The following DACH1 variants were observed in gnomAD, a reference collection of about 807,000 sequenced individuals.
DACH1 encodes the protein dachshund homolog 1.
DACH1 carries 12 observed loss-of-function variants against 54.2 expected under a neutral mutation model. The ratio of observed to expected loss-of-function variants is 0.22; its 90% confidence interval spans 0.14 to 0.36. The LOEUF (loss-of-function observed/expected upper bound fraction) is 0.36. DACH1 is among the 10% of genes least tolerant of loss of function. DACH1 has a pLI of 1.00. For synonymous variants in DACH1, 386 were observed against 366.2 expected, an observed-to-expected ratio of 1.05 and a Z score of -0.62; for missense variants, 805 against 929.8, an observed-to-expected ratio of 0.87 and a Z score of 1.75.
chr13:71,797,558 T>C (rs1169732024), intron 1 of DACH1, among the ~76,000 whole-genome samples: 3 of 152,108 alleles, frequency 2.0e-5, no homozygotes, highest in East Asian at 1.9e-4. Flanking sequence ...TGTATTTGTG[T>C]GCTATGATTT....
intron 1 of DACH1, among the ~76,000 whole-genome samples, chr13:71,788,122 C>A (rs1886683097): frequency 6.6e-6 from 1 of 151,942 alleles, no homozygotes; most frequent in Non-Finnish European, 1.5e-5. Flanking sequence ...GATATTAGGC[C>A]ACTAGAAATT....
At chr13:71,761,464 C>A (rs1885398559) in intron 1 of DACH1, among the ~76,000 whole-genome samples, 1 of 152,130 alleles carries the variant, frequency 6.6e-6, no homozygotes, top group African/African-American at 2.4e-5. Context: ...CTATATTCTC[C>A]TGTCCTAAAA....
intron 7 of DACH1, among the ~76,000 whole-genome samples, chr13:71,482,793 G>GTTTT (rs10716729): frequency 3.0e-5 from 2 of 67,510 alleles, no homozygotes; most frequent in African/African-American, 4.6e-5. Context: ...TCAACTGACA[G>GTTTT]TTTTTTTTTT....
At chr13:71,508,481 T>A (rs1280467518) in intron 6 of DACH1, among the ~76,000 whole-genome samples, 2 of 151,834 alleles carry the variant, frequency 1.3e-5, no homozygotes, top group Non-Finnish European at 2.9e-5. Context: ...TTTTTTTTTG[T>A]AGATAGATAG....
At chr13:71,476,061 C>T (rs761316233) in intron 8 of DACH1, among the ~76,000 whole-genome samples, 5 of 152,032 alleles carry the variant, frequency 3.3e-5, no homozygotes, top group South Asian at 4.1e-4. Flanking sequence ...TAGCCTAGAA[C>T]TATTACATTA....
intron 1 of DACH1, among the ~76,000 whole-genome samples, chr13:71,772,639 A>G (rs1413498081): frequency 6.6e-6 from 1 of 151,786 alleles, no homozygotes; most frequent in African/African-American, 2.4e-5. Context: ...TCCTGGTTTT[A>G]GCTGACAAAT....
At chr13:71,447,169 C>A (rs190225052) in intron 10 of DACH1, among the ~76,000 whole-genome samples, 1 of 152,180 alleles carries the variant, frequency 6.6e-6, no homozygotes, top group East Asian at 1.9e-4. Flanking sequence ...CTGTTTGTTA[C>A]TATGCAGATT....
chr13:71,714,374 G>T (rs1029432251), intron 1 of DACH1, among the ~76,000 whole-genome samples: 2 of 152,020 alleles, frequency 1.3e-5, no homozygotes, highest in African/African-American at 2.4e-5. Context: ...ATGGGCCATT[G>T]TATCAATAGT....
intron 1 of DACH1, among the ~76,000 whole-genome samples, chr13:71,848,709 T>G (rs1018577694): frequency 2.6e-5 from 4 of 151,918 alleles, no homozygotes; most frequent in African/African-American, 9.7e-5. Context: ...TTTGTACAGA[T>G]GGGGGGGTTC....
intron 3 of DACH1, among the ~76,000 whole-genome samples, chr13:71,582,278 T>C (rs754256195): frequency 1.1e-4 from 16 of 152,144 alleles, no homozygotes; most frequent in Non-Finnish European, 1.9e-4. Flanking sequence ...ATTAATGCAT[T>C]TTTATAATAT....
chr13:71,503,569 A>G (rs1430755258), intron 6 of DACH1, among the ~76,000 whole-genome samples: 6 of 152,342 alleles, frequency 3.9e-5, no homozygotes, highest in African/African-American at 1.4e-4. Flanking sequence ...AAATTTTAAA[A>G]TCCCAATATT....
At chr13:71,445,802 T>A (rs1479916053) in intron 10 of DACH1, among the ~76,000 whole-genome samples, 1 of 152,178 alleles carries the variant, frequency 6.6e-6, no homozygotes, top group African/African-American at 2.4e-5. Flanking sequence ...CCACAGTAAA[T>A]AGCTGCATGT....
At chr13:71,794,626 T>C (rs1240229871) in intron 1 of DACH1, among the ~76,000 whole-genome samples, 1 of 152,104 alleles carries the variant, frequency 6.6e-6, no homozygotes, top group African/African-American at 2.4e-5. Context: ...TTAGTAGAGA[T>C]GGGGTTTCAC....
At chr13:71,447,811 GAAAA>G (rs745823885) in intron 10 of DACH1, among the ~76,000 whole-genome samples, 1 of 86,602 alleles carries the variant, frequency 1.2e-5, no homozygotes, top group Non-Finnish European at 2.4e-5. Context: ...CCAGCCTGGA[GAAAA>G]AAAAAAAAAA....
intron 1 of DACH1, among the ~76,000 whole-genome samples, chr13:71,739,019 G>A (rs1251764190): frequency 2.0e-5 from 3 of 151,928 alleles, no homozygotes; most frequent in South Asian, 2.1e-4. Flanking sequence ...TTGGAAGGCC[G>A]AGGCGGGCGG....
chr13:71,767,472 CT>C (rs973628441), intron 1 of DACH1, among the ~76,000 whole-genome samples: 20 of 152,016 alleles, frequency 1.3e-4, no homozygotes, highest in African/African-American at 4.6e-4. Flanking sequence ...ATATTGAAGA[CT>C]GAAATATTAA....
rs180935434 is a variant in DACH1 at position 71,776,314 on chromosome 13, T to C, written c.848+89608A>G. Among the ~76,000 whole-genome samples, 299 of 152,280 alleles carry C rather than the reference T, an allele frequency of 2.0e-3. 1 individual carries two copies. The highest frequency in any genetic ancestry group is 6.5e-3 in the African/African-American group (269 of 41,572). On this transcript the variant is annotated intron_variant, in intron 1 of 10. Transcript: ENST00000613252. ...TTAGGATGTATTCAAGATAAACTTT[T>C]GATTTTCAGGTTTTTAGAAAGGTCA...
chr13:71,455,530 A>G (rs1875485374), intron 10 of DACH1, among the ~76,000 whole-genome samples: 1 of 152,182 alleles, frequency 6.6e-6, no homozygotes. Flanking sequence ...AGAAATAAAA[A>G]CAATAATTCG....
At chr13:71,762,361 G>A (rs768973310) in intron 1 of DACH1, among the ~76,000 whole-genome samples, 14 of 151,974 alleles carry the variant, frequency 9.2e-5, no homozygotes, top group Non-Finnish European at 1.9e-4. Flanking sequence ...CTGCCATGTT[G>A]GATTTACTCT....
Sources: allele counts gnomAD v4.1 joint callset (sites outside exome capture counted in the v4.1 genomes callset), GRCh38; gene constraint gnomAD v4.1.1; transcripts MANE v1.5; gene names NCBI Gene and HGNC (gene_info 2026-07-23, HGNC 2026-07-21).